The following GMDS variants were observed in gnomAD, a reference collection of about 807,000 sequenced individuals.
The protein encoded by GMDS is GDP-mannose 4,6-dehydratase.
In GMDS, 20 loss-of-function variants were observed where a neutral mutation model predicts 49.9. The ratio of observed to expected loss-of-function variants is 0.40; its 90% CI spans 0.28 to 0.58. The LOEUF (loss-of-function observed/expected upper bound fraction) is 0.58, where lower values mean the gene tolerates loss of function less well. GMDS is among the 20% of genes least tolerant of loss of function. GMDS has a pLI of 0.42. For missense variants in GMDS, 362 were observed against 481.4 expected (o/e 0.75, Z 2.32); for synonymous variants, 177 against 178.6 (o/e 0.99, Z 0.07).
chr6:1,660,518 G>C (rs1764032142), intron 9 of GMDS, among the ~76,000 whole-genome samples: 1 of 151,888 alleles, frequency 6.6e-6, no homozygotes, highest in Non-Finnish European at 1.5e-5. Flanking sequence ...CCGGGGAGGA[G>C]AACGGATGTA....
At chr6:1,739,613 A>C (rs1581531230) in intron 8 of GMDS, among the ~76,000 whole-genome samples, 1 of 152,312 alleles carries the variant, frequency 6.6e-6, no homozygotes, top group African/African-American at 2.4e-5. Flanking sequence ...TAACTGCAGG[A>C]CCCACAAGGG....
intron 4 of GMDS, among the ~76,000 whole-genome samples, chr6:2,082,790 A>G (rs1008615897): frequency 6.6e-6 from 1 of 152,232 alleles, no homozygotes; most frequent in African/African-American, 2.4e-5. Context: ...TTTATAAAAC[A>G]TATTTCTTAC....
chr6:1,862,703 G>A (rs964667671), intron 7 of GMDS, among the ~76,000 whole-genome samples: 1 of 152,100 alleles, frequency 6.6e-6, no homozygotes, highest in Non-Finnish European at 1.5e-5. Context: ...AACATCTAAC[G>A]TTTTATTCAC....
At chr6:2,159,195 T>TA (rs1158014160) in intron 1 of GMDS, among the ~76,000 whole-genome samples, 2 of 152,190 alleles carry the variant, frequency 1.3e-5, no homozygotes, top group Non-Finnish European at 2.9e-5. Context: ...CTTCTACGTA[T>TA]AGTTGACCCT....
chr6:1,758,502 G>T (rs975673328), intron 7 of GMDS, among the ~76,000 whole-genome samples: 7 of 152,190 alleles, frequency 4.6e-5, no homozygotes, highest in African/African-American at 1.4e-4. Flanking sequence ...TGCTGCAGAG[G>T]GGGTAGGTGT....
chr6:1,786,017 T>C (rs1176112818), intron 7 of GMDS, among the ~76,000 whole-genome samples: 2 of 152,192 alleles, frequency 1.3e-5, no homozygotes, highest in Non-Finnish European at 2.9e-5. Context: ...ATGTTAAATA[T>C]GACAGCGGTA....
At chr6:2,105,075 G>C (rs190836787) in intron 4 of GMDS, among the ~76,000 whole-genome samples, 2 of 151,516 alleles carry the variant, frequency 1.3e-5, no homozygotes, top group African/African-American at 2.4e-5. Context: ...CCAGCGACTC[G>C]GGAGGCTGAG....
Position 1,726,502 on chromosome 6 carries a change from T to G in GMDS, c.901A>C (p.Lys301Gln), listed in dbSNP as rs1457956265. 1.9e-6 allele frequency: 3 copies of G among 1,610,888 alleles called. No homozygotes were observed. The East Asian group carries it at 6.7e-5, about 36-fold the overall frequency. Residue 301 changes from lysine to glutamine, a missense_variant, in exon 9 of 11, where the codon AAG (lysine) becomes CAG (glutamine). Physicochemically the swap from Lys to Gln is moderately conservative, Grantham distance 53. Coordinates refer to ENST00000380815, the MANE Select transcript of GMDS (RefSeq NM_001500.4). ...CATCTGCCCACTTCATTTTCATTCT[T>G]TCCTTCCCACCTGTAAGGAAGATAA... ...HIGKTIVWEG[K>Q]NENEVGRCKE...
intron 9 of GMDS, among the ~76,000 whole-genome samples, chr6:1,628,905 G>C (rs963090537): frequency 1.3e-5 from 2 of 152,152 alleles, no homozygotes; most frequent in Non-Finnish European, 2.9e-5. Flanking sequence ...GAATAGCTCA[G>C]GTTCCAAGGG....
At chr6:2,205,438 C>G (rs1483507717) in intron 1 of GMDS, among the ~76,000 whole-genome samples, 2 of 152,220 alleles carry the variant, frequency 1.3e-5, no homozygotes, top group Admixed American at 1.3e-4. Context: ...CCAGACTATT[C>G]TAACAGCCTC....
intron 4 of GMDS, among the ~76,000 whole-genome samples, chr6:1,962,971 G>A (rs917359042): frequency 1.3e-5 from 2 of 149,906 alleles, no homozygotes; most frequent in African/African-American, 4.9e-5. Context: ...CTGCCTCCCG[G>A]GTTCAAGTGA....
chr6:1,985,810 A>G (rs1242524734), intron 4 of GMDS, among the ~76,000 whole-genome samples: 2 of 152,060 alleles, frequency 1.3e-5, no homozygotes, highest in African/African-American at 4.8e-5. Context: ...CCACACAAGG[A>G]AGAGGCGGGC....
chr6:2,185,803 C>G (rs1257695422), intron 1 of GMDS, among the ~76,000 whole-genome samples: 2 of 152,182 alleles, frequency 1.3e-5, no homozygotes, highest in East Asian at 1.9e-4. Context: ...CCATTCAGAA[C>G]ACATCAGCCT....
intron 1 of GMDS, among the ~76,000 whole-genome samples, chr6:2,208,113 C>A (rs1041773939): frequency 6.6e-6 from 1 of 152,004 alleles, no homozygotes; most frequent in Admixed American, 6.5e-5. Flanking sequence ...TAGAACCCAA[C>A]ACACATCATG....
At chr6:1,671,206 A>G (rs901553361) in intron 9 of GMDS, among the ~76,000 whole-genome samples, 5 of 152,308 alleles carry the variant, frequency 3.3e-5, no homozygotes, top group African/African-American at 1.2e-4. Context: ...TGTGACCTAC[A>G]AAGACGCCTG....
chr6:1,844,522 A>T (rs1757297821), intron 7 of GMDS, among the ~76,000 whole-genome samples: 1 of 152,254 alleles, frequency 6.6e-6, no homozygotes, highest in Non-Finnish European at 1.5e-5. Flanking sequence ...TATTTATTAC[A>T]GTTAGCTTGA....
intron 7 of GMDS, among the ~76,000 whole-genome samples, chr6:1,853,473 G>A (rs921694715): frequency 1.4e-5 from 2 of 141,464 alleles, no homozygotes; most frequent in South Asian, 2.2e-4. Flanking sequence ...AGCTGAGATC[G>A]CGCCACTGCA....
chr6:1,723,054 C>T (rs1412633720), intron 9 of GMDS, among the ~76,000 whole-genome samples: 1 of 152,148 alleles, frequency 6.6e-6, no homozygotes, highest in Non-Finnish European at 1.5e-5. Flanking sequence ...AAACTTCACA[C>T]TGGTACAGAA....
chr6:1,893,628 T>C (rs1177636320), intron 7 of GMDS, among the ~76,000 whole-genome samples: 1 of 152,210 alleles, frequency 6.6e-6, no homozygotes, highest in Non-Finnish European at 1.5e-5. Context: ...CTGAAGTCAT[T>C]TCCAGAGCTA....
Sources: allele counts gnomAD v4.1 joint callset (sites outside exome capture counted in the v4.1 genomes callset), GRCh38; gene constraint gnomAD v4.1.1; transcripts MANE v1.5; gene names NCBI Gene and HGNC (gene_info 2026-07-23, HGNC 2026-07-21).